The following PCNX2 variants were observed in gnomAD, a reference collection of about 807,000 sequenced individuals.
PCNX2 encodes the protein pecanex 2.
In PCNX2, 168 loss-of-function variants were observed where a neutral mutation model predicts 223.8. The observed-to-expected ratio is 0.75, with a 90% confidence interval of 0.66 to 0.85. PCNX2 has a LOEUF of 0.85. Ranked by LOEUF, PCNX2 falls within the 40% of genes least tolerant of loss-of-function variation. The pLI is 0.00. For synonymous variants in PCNX2, 1,006 were observed against 1,052.6 expected, an observed-to-expected ratio of 0.96 and a Z score of 0.86; for missense variants, 2,507 against 2,675.5, an observed-to-expected ratio of 0.94 and a Z score of 1.39.
Position 233,049,836 on chromosome 1 carries a change from T to TA in PCNX2, c.4351+4431dup, listed in dbSNP as rs1671938109. ...AGTAACATTCAAGCTGAGAGCCAAA[T>TA]AAAAAACACAATCTCATTTACAATA... On this transcript the variant is annotated intron_variant, in intron 25 of 33. Coordinates refer to ENST00000258229, the MANE Select transcript of PCNX2 (RefSeq NM_014801.4). Among the ~76,000 whole-genome samples, 3 of 149,376 alleles carry TA rather than the reference T, an allele frequency of 2.0e-5. No individual in the cohort carries two copies. The South Asian group carries it at 6.3e-4, about 31-fold the overall frequency.
intron 15 of PCNX2, among the ~76,000 whole-genome samples, chr1:233,189,170 G>A (rs1182797541): frequency 6.6e-6 from 1 of 152,198 alleles, no homozygotes; most frequent in East Asian, 1.9e-4. Flanking sequence ...AAAACAATGT[G>A]AATTAGTCAT....
intron 10 of PCNX2, among the ~76,000 whole-genome samples, chr1:233,223,815 CAATT>C (rs1657537647): frequency 6.6e-6 from 1 of 152,272 alleles, no homozygotes; most frequent in East Asian, 1.9e-4. Flanking sequence ...TAACTGATGA[CAATT>C]AGTTTAGTTT....
chr1:233,192,344 G>A (rs10910113), intron 15 of PCNX2, among the ~76,000 whole-genome samples: 10,472 of 151,966 alleles, frequency 0.069, 605 homozygotes, highest in East Asian at 0.32. Flanking sequence ...CAGTGTTGCC[G>A]GATCTTCACA....
chr1:233,192,785 T>C (rs962247478), intron 15 of PCNX2, among the ~76,000 whole-genome samples: 1 of 151,774 alleles, frequency 6.6e-6, no homozygotes, highest in Admixed American at 6.6e-5. Flanking sequence ...AAAATTAGGA[T>C]AATAGTACTT....
chr1:233,185,282 T>G (rs932303572), intron 15 of PCNX2, among the ~76,000 whole-genome samples: 1 of 152,080 alleles, frequency 6.6e-6, no homozygotes, highest in African/African-American at 2.4e-5. Context: ...TGGAAGGAAC[T>G]TCATAACTGA....
chr1:233,019,497 C>T (rs1443984579), intron 26 of PCNX2, among the ~76,000 whole-genome samples: 21 of 152,110 alleles, frequency 1.4e-4, no homozygotes, highest in African/African-American at 3.6e-4. Flanking sequence ...ATGATGCCCA[C>T]GTTGCACGGC....
At chr1:233,089,341 A>G (rs1241820102) in intron 23 of PCNX2, among the ~76,000 whole-genome samples, 2 of 152,106 alleles carry the variant, frequency 1.3e-5, no homozygotes, top group Non-Finnish European at 2.9e-5. Context: ...GGAGCAATGC[A>G]AAGGTCTCTG....
rs188175758 is a variant in PCNX2, at chr1:233,083,528, C to A, written c.4076+6533G>T. Reference sequence around the variant, plus strand: ...ATGGTCCAGAGCACAGAGGGGCTACCGTAATTCCTAAGGGTCCGTGCTATA... The same window carrying A: ...ATGGTCCAGAGCACAGAGGGGCTACAGTAATTCCTAAGGGTCCGTGCTATA... On this transcript the variant is annotated intron_variant, in intron 23 of 33. Coordinates refer to ENST00000258229, the MANE Select transcript of PCNX2 (RefSeq NM_014801.4). Among the ~76,000 whole-genome samples, 6 of 152,258 alleles carry A rather than the reference C, an allele frequency of 3.9e-5. No individual in the cohort carries two copies. The East Asian group carries it at 1.2e-3, about 29-fold the overall frequency.
chr1:233,184,762 A>G (rs924525643), intron 15 of PCNX2, among the ~76,000 whole-genome samples: 5 of 152,170 alleles, frequency 3.3e-5, no homozygotes, highest in African/African-American at 1.2e-4. Flanking sequence ...ATGTGGCCAC[A>G]GGGGCAGGAA....
intron 28 of PCNX2, among the ~76,000 whole-genome samples, chr1:233,012,545 G>T (rs1042213974): frequency 6.6e-6 from 1 of 152,094 alleles, no homozygotes; most frequent in Non-Finnish European, 1.5e-5. Context: ...ATACTGAGAG[G>T]ATTCTCCCCA....
Position 233,295,274 on chromosome 1 carries a change from CCTT to C in PCNX2, c.153+49_153+51del. 6.4e-7 allele frequency: 1 copy of C among 1,556,578 alleles called. No individual in the cohort carries two copies. The highest frequency in any genetic ancestry group is 8.7e-7 in the Non-Finnish European group (1 of 1,149,646). ...GATGGCACGTCTGTGGTTCCTTTCTCCTTCTTCCCTCCATACCCACAGCTCCCC... is the reference window on the plus strand; with the variant it reads ...GATGGCACGTCTGTGGTTCCTTTCTCCTTCCCTCCATACCCACAGCTCCCC... On this transcript the variant is annotated intron_variant, in intron 1 of 33. Coordinates refer to ENST00000258229, the MANE Select transcript of PCNX2 (RefSeq NM_014801.4). This position sits in a 1 kb window ranked among gnomAD's most constrained non-coding sequence, Gnocchi z 4.1.
chr1:233,109,435 G>A (rs549735895), intron 21 of PCNX2, among the ~76,000 whole-genome samples: 8 of 152,290 alleles, frequency 5.3e-5, no homozygotes, highest in Non-Finnish European at 4.4e-5. Context: ...AAACAACGCC[G>A]GATGAAAGAT....
chr1:233,202,677 A>G lies in PCNX2; in HGVS notation c.2864-2413T>C, dbSNP rs554218728. ...GTTTAGGGAAAGGTGAGTACAATCC[A>G]GTGATTTGTTCTAAAACCTCCACTT... On this transcript the variant is annotated intron_variant, in intron 13 of 33. Transcript: ENST00000258229. Among the ~76,000 whole-genome samples, 10 of 152,334 alleles carry G rather than the reference A, an allele frequency of 6.6e-5. No homozygotes were observed. The East Asian group carries it at 1.9e-3, about 29-fold the overall frequency.
chr1:233,135,215 C>T, intron 20 of PCNX2, 25 bp from the exon 21 acceptor site: 1 of 1,601,660 alleles, frequency 6.2e-7, no homozygotes, highest in Non-Finnish European at 8.5e-7. Flanking sequence ...AGAAAAGATG[C>T]AATCAATGAC....
intron 25 of PCNX2, among the ~76,000 whole-genome samples, chr1:233,034,027 C>T (rs1671359514): frequency 6.6e-6 from 1 of 152,102 alleles, no homozygotes; most frequent in African/African-American, 2.4e-5. Flanking sequence ...TCCTGGCCAA[C>T]ATGGTGAAAC....
At chr1:232,992,780 G>GT (rs1264087143) in intron 32 of PCNX2, among the ~76,000 whole-genome samples, 1 of 152,176 alleles carries the variant, frequency 6.6e-6, no homozygotes, top group African/African-American at 2.4e-5. Flanking sequence ...TGGGGGCATG[G>GT]TTCCCCCAGG....
chr1:233,139,722 A>C lies in PCNX2; in HGVS notation c.3651T>G (p.Leu1217=). ...DAFLISNHRR[L]GTHWDIFLMI... ...AACCATTAACCACTTACTGGGTACC[A>C]AGTCTCCGGTGATTGCTTATTAAAA... is the stretch of plus-strand genomic sequence containing the variant. The change falls in exon 20 of 34, where the codon CTT becomes CTG. Residue 1217 remains leucine, a synonymous_variant. Transcript: ENST00000258229. The surrounding 1 kb of genome is among the most constrained non-coding windows in gnomAD (Gnocchi z 4.4). The C allele has an allele frequency of 6.2e-7, 1 of 1,601,672 alleles. No homozygotes were observed. The highest frequency in any genetic ancestry group is 8.5e-7 in the Non-Finnish European group (1 of 1,173,364).
intron 23 of PCNX2, among the ~76,000 whole-genome samples, chr1:233,071,198 C>T (rs56253308): frequency 0.32 from 48,029 of 151,910 alleles, 10,274 homozygotes; most frequent in African/African-American, 0.61. Context: ...GGGGTACATA[C>T]GCAGACTTGT....
chr1:233,213,431 C>T (rs1035146915), intron 12 of PCNX2, among the ~76,000 whole-genome samples: 1 of 152,050 alleles, frequency 6.6e-6, no homozygotes, highest in African/African-American at 2.4e-5. Context: ...AGTATTGGTC[C>T]ATTAATTGCA....
Sources: allele counts gnomAD v4.1 joint callset (sites outside exome capture counted in the v4.1 genomes callset), GRCh38; gene constraint gnomAD v4.1.1; non-coding constraint Gnocchi (gnomAD v3.1); transcripts MANE v1.5; gene names NCBI Gene and HGNC (gene_info 2026-07-23, HGNC 2026-07-21).